Variants in RIMS2 observed in about 807,000 individuals in gnomAD.
RIMS2 encodes the protein regulating synaptic membrane exocytosis protein 2.
Under a neutral mutation model 174.4 loss-of-function variants are expected in RIMS2, and 59 were observed. The ratio of observed to expected loss-of-function variants is 0.34; its 90% CI spans 0.27 to 0.42. The LOEUF (loss-of-function observed/expected upper bound fraction) is 0.42, where lower values mean the gene tolerates loss of function less well. Among genes scored for constraint, RIMS2 ranks in the 10% least tolerant of loss-of-function variants. The probability of loss-of-function intolerance (pLI) is 1.00; values close to 1 mark genes in which losing one functional copy is unlikely to be tolerated. For synonymous variants in RIMS2, 606 were observed against 572.5 expected (o/e 1.06, Z -0.84); for missense variants, 1,620 against 1,666.3 (o/e 0.97, Z 0.48).
chr8:103,893,565 A>G (rs1223024890), intron 4 of RIMS2, among the ~76,000 whole-genome samples: 4 of 152,256 alleles, frequency 2.6e-5, no homozygotes, highest in African/African-American at 7.2e-5. Context: ...GGCACAATTC[A>G]GCCCATCACT....
chr8:104,102,909 C>T (rs2097933844), intron 19 of RIMS2, among the ~76,000 whole-genome samples: 1 of 152,102 alleles, frequency 6.6e-6, no homozygotes, highest in Admixed American at 6.6e-5. Flanking sequence ...ATATAACAAG[C>T]TCATTAGGAT....
intron 7 of RIMS2, 124 bp downstream of exon 10, chr8:103,915,718 CTATT>C: frequency 2.2e-6 from 1 of 457,722 alleles, no homozygotes; most frequent in Non-Finnish European, 3.9e-6. Flanking sequence ...ATATAAATCT[CTATT>C]CATTAATGGA....
At chr8:103,753,513 T>C (rs1165617915) in intron 2 of RIMS2, among the ~76,000 whole-genome samples, 2 of 152,320 alleles carry the variant, frequency 1.3e-5, no homozygotes, top group East Asian at 3.9e-4. Context: ...GAAGGAATGG[T>C]ACCAGTTCCT....
At chr8:103,515,855 CT>C (rs1828714085) in intron 1 of RIMS2, among the ~76,000 whole-genome samples, 1 of 152,020 alleles carries the variant, frequency 6.6e-6, no homozygotes, top group South Asian at 2.1e-4. Flanking sequence ...GGACAAATAT[CT>C]TTTTAGTTTT....
chr8:103,667,883 T>C (rs1029879658), intron 1 of RIMS2, among the ~76,000 whole-genome samples: 2 of 152,158 alleles, frequency 1.3e-5, no homozygotes, highest in East Asian at 3.9e-4. Context: ...GATTACAAGC[T>C]TAAGGTTCAC....
intron 3 of RIMS2, among the ~76,000 whole-genome samples, chr8:103,867,985 A>G (rs1241433218): frequency 6.6e-6 from 1 of 151,986 alleles, no homozygotes; most frequent in Non-Finnish European, 1.5e-5. Flanking sequence ...TTTTAAGCCC[A>G]TTATGTTTAA....
intron 1 of RIMS2, among the ~76,000 whole-genome samples, chr8:103,682,528 A>G (rs1034472882): frequency 3.3e-5 from 5 of 152,240 alleles, no homozygotes; most frequent in African/African-American, 9.6e-5. Context: ...AGTAGACTGG[A>G]AAGTGATGAG....
intron 1 of RIMS2, among the ~76,000 whole-genome samples, chr8:103,573,464 T>C (rs2092986814): frequency 1.3e-5 from 2 of 152,212 alleles, no homozygotes; most frequent in South Asian, 4.1e-4. Context: ...TATTACTATT[T>C]ATTGAATAGG....
chr8:103,716,878 T>A (rs970158380), intron 2 of RIMS2, among the ~76,000 whole-genome samples: 1 of 152,178 alleles, frequency 6.6e-6, no homozygotes, highest in Non-Finnish European at 1.5e-5. Context: ...GTATTCATAC[T>A]TTAAAATACT....
At position 103,630,198 on chromosome 8, in the gene RIMS2, A is replaced by C. The variant is rs185646981; in HGVS notation, c.177-66888A>C. 1.4e-4 allele frequency among the ~76,000 whole-genome samples: 21 copies of C among 152,148 alleles called. No homozygotes were observed. In the East Asian group the frequency reaches 3.5e-3, roughly 25 times the overall value. The stretch of plus-strand genomic sequence containing the variant: ...GCTAGAAAGAAATGATGCCTAACAT[A>C]GGAGTAATAATAGTTTGACTAGAAG... On this transcript the variant is annotated intron_variant, in intron 1 of 23. Transcript: ENST00000504942.
chr8:103,766,203 T>A, intron 2 of RIMS2, 24 bp from the exon 6 acceptor site: 1 of 1,522,874 alleles, frequency 6.6e-7, no homozygotes, highest in Non-Finnish European at 8.9e-7. Context: ...CACTAATTTT[T>A]TCCCCCTATG....
intron 3 of RIMS2, among the ~76,000 whole-genome samples, chr8:103,787,966 A>G (rs1016382152): frequency 6.6e-6 from 1 of 151,802 alleles, no homozygotes; most frequent in African/African-American, 2.4e-5. Flanking sequence ...GGCTTTGCTC[A>G]TTTCTTTTTA....
At chr8:103,776,819 T>C (rs186268823) in intron 3 of RIMS2, among the ~76,000 whole-genome samples, 1 of 152,280 alleles carries the variant, frequency 6.6e-6, no homozygotes, top group East Asian at 1.9e-4. Flanking sequence ...AAGTGCATTT[T>C]ATAAGTTAGC....
chr8:103,659,098 G>A (rs1157563739), intron 1 of RIMS2, among the ~76,000 whole-genome samples: 3 of 152,134 alleles, frequency 2.0e-5, no homozygotes, highest in Non-Finnish European at 4.4e-5. Flanking sequence ...TACTTTTTCT[G>A]AAGATTAAGA....
chr8:104,087,138 T>C (rs2097549844), intron 19 of RIMS2, among the ~76,000 whole-genome samples: 1 of 152,174 alleles, frequency 6.6e-6, no homozygotes, highest in South Asian at 2.1e-4. Flanking sequence ...CAATGTATCT[T>C]GTACACTGAT....
At chr8:103,500,754 G>T in exon 1 of RIMS2, 1 of 556,080 alleles carries the variant, frequency 1.8e-6, no homozygotes, top group East Asian at 3.2e-5. Flanking sequence ...GGGGGCTGTC[G>T]CCTTGGATTG....
At chr8:103,636,802 A>ACCC (rs2096093381) in intron 1 of RIMS2, among the ~76,000 whole-genome samples, 1 of 10,494 alleles carries the variant, frequency 9.5e-5, no homozygotes, top group African/African-American at 3.1e-4. Context: ...CCCCCCCCCC[A>ACCC]CACACACACA....
At chr8:103,821,855 A>G (rs777720131) in intron 3 of RIMS2, among the ~76,000 whole-genome samples, 1 of 151,628 alleles carries the variant, frequency 6.6e-6, no homozygotes, top group African/African-American at 2.4e-5. Flanking sequence ...TGGCCTGAAT[A>G]TGTCATCAAA....
chr8:104,096,685 T>C (rs1329964842), intron 19 of RIMS2, among the ~76,000 whole-genome samples: 1 of 151,950 alleles, frequency 6.6e-6, no homozygotes, highest in Admixed American at 6.6e-5. Context: ...CTGGCCAACG[T>C]GGTGAAACCC....
Sources: allele counts gnomAD v4.1 joint callset (sites outside exome capture counted in the v4.1 genomes callset), GRCh38; gene constraint gnomAD v4.1.1; transcripts MANE v1.5; gene names NCBI Gene and HGNC (gene_info 2026-07-23, HGNC 2026-07-21).